The following WNK1 variants were observed in gnomAD, a reference collection of about 807,000 sequenced individuals.
WNK1 encodes the protein WNK lysine deficient protein kinase 1.
A neutral mutation model predicts 222.8 loss-of-function variants in WNK1; 38 were observed. The observed-to-expected ratio is 0.17, with a 90% CI of 0.13 to 0.22. WNK1 has a LOEUF of 0.22. Among genes scored for constraint, WNK1 ranks in the 10% least tolerant of loss-of-function variants. The probability of loss-of-function intolerance (pLI) is 1.00; values close to 1 mark genes in which losing one functional copy is unlikely to be tolerated. For missense variants in WNK1, 2,348 were observed against 2,918.4 expected (o/e 0.80, Z 4.50); for synonymous variants, 1,090 against 1,092.9 (o/e 1.00, Z 0.05).
rs373142680 is a variant in WNK1 at position 900,455 on chromosome 12, T to C, written c.6449-21T>C. ...GGGAAGAGCTGGACATGTTTCCTCA[T>C]GCCACTTTATCTTTTGGCAGGTAAC... On this transcript the variant is annotated intron_variant, in intron 25 of 27. Coordinates refer to ENST00000315939, the MANE Select transcript of WNK1 (RefSeq NM_018979.4). 3.1e-6 allele frequency: 5 copies of C among 1,614,110 alleles called. No homozygotes were observed. In the South Asian group the frequency reaches 5.5e-5, roughly 18 times the overall value.
intron 2 of WNK1, among the ~76,000 whole-genome samples, chr12:826,210 T>C (rs1032131232): frequency 2.0e-5 from 3 of 152,286 alleles, no homozygotes; most frequent in African/African-American, 7.2e-5. Flanking sequence ...TTGCCTCATG[T>C]GGCTGTTCAG....
Position 754,329 on chromosome 12 carries a change from A to G in WNK1, c.759+5A>G, listed in dbSNP as rs1381690911. 1 of 1,611,916 alleles carries G rather than the reference A, an allele frequency of 6.2e-7. No individual in the cohort carries two copies. The highest frequency in any genetic ancestry group is 2.2e-5 in the East Asian group (1 of 44,890). ...GTCGCCTGGTGTGAACTGCAGGTAA[A>G]GCCCCACCTACTTTATTTGACGGTC... On this transcript the variant is annotated splice_donor_5th_base_variant and intron_variant, in intron 1 of 27. Coordinates refer to ENST00000315939, the MANE Select transcript of WNK1 (RefSeq NM_018979.4).
chr12:757,315 T>C (rs1233682292), intron 1 of WNK1, among the ~76,000 whole-genome samples: 6 of 89,076 alleles, frequency 6.7e-5, no homozygotes, highest in Non-Finnish European at 7.1e-5. Context: ...AATTCTTTTT[T>C]TTTTTTTTTT....
chr12:907,893 C>T lies in WNK1; in HGVS notation c.6690C>T (p.Ala2230=), dbSNP rs756838818. ...NTVGATVNSQ[A]AQAQPPAMTS... is the part of the protein sequence containing the mutation. The stretch of plus-strand genomic sequence containing the variant: ...TTGGGGCAACAGTGAACAGCCAAGC[C>T]GCCCAAGCTCAGCCTCCTGCCATGA... The change falls in exon 27 of 28, where the codon GCC becomes GCT. Residue 2230 remains alanine (A), a synonymous_variant. Transcript: ENST00000315939. 12 of 1,614,048 alleles carry T rather than the reference C, an allele frequency of 7.4e-6. No individual in the cohort carries two copies. The highest frequency in any genetic ancestry group is 2.2e-5 in the East Asian group (1 of 44,884).
rs1954864477 is a variant in WNK1, at chr12:897,631, G to A, written c.6398G>A (p.Ser2133Asn). The A allele has an allele frequency of 1.2e-6, 2 of 1,614,096 alleles. No homozygotes were observed. The highest frequency in any genetic ancestry group is 3.3e-5 in the Admixed American group (2 of 60,002). ...RRRRPTKSKGSKSSRSSSLGN... is the reference protein window; with the variant it reads ...RRRRPTKSKGNKSSRSSSLGN... ...CGACGACCCACTAAAAGCAAAGGCAGCAAATCTAGTCGAAGCAGTTCCTTG... is the reference window on the plus strand; with the variant it reads ...CGACGACCCACTAAAAGCAAAGGCAACAAATCTAGTCGAAGCAGTTCCTTG... The change falls in exon 25 of 28, where the codon AGC (serine) becomes AAC (asparagine). Residue 2133 changes from serine to asparagine, a missense_variant. Ser to Asn is a conservative substitution (Grantham distance 46). This residue lies in a region of WNK1 where 1,144 missense variants were observed against 1,273.6 expected (regional missense o/e 0.90). Coordinates refer to ENST00000315939, the MANE Select transcript of WNK1 (RefSeq NM_018979.4).
intron 8 of WNK1, among the ~76,000 whole-genome samples, chr12:869,894 C>A (rs1391326667): frequency 6.6e-6 from 1 of 151,558 alleles, no homozygotes; most frequent in Non-Finnish European, 1.5e-5. Flanking sequence ...TTTTCCTCAA[C>A]AAATTTAATT....
At chr12:798,052 A>C (rs575324817) in intron 1 of WNK1, among the ~76,000 whole-genome samples, 1 of 152,108 alleles carries the variant, frequency 6.6e-6, no homozygotes, top group African/African-American at 2.4e-5. Flanking sequence ...AAAATGTCTA[A>C]AAGTGAAAAT....
In WNK1 at chr12:908,041, C is replaced by A; in HGVS notation, c.6831+7C>A. On this transcript the variant is annotated splice_region_variant and intron_variant, in intron 27 of 27. Transcript: ENST00000315939. The stretch of plus-strand genomic sequence containing the variant: ...AGGGCACATGAATTACGAGGTAAGT[C>A]TCTCTTTTGCCGCAGAGAATCCGTA... 5.0e-6 allele frequency: 8 copies of A among 1,613,876 alleles called. No homozygotes were observed. The highest frequency in any genetic ancestry group is 8.5e-7 in the Non-Finnish European group (1 of 1,179,970).
chr12:755,279 T>G (rs563197204), intron 1 of WNK1, among the ~76,000 whole-genome samples: 8 of 152,340 alleles, frequency 5.3e-5, no homozygotes, highest in African/African-American at 1.9e-4. Flanking sequence ...GTCAGCCACA[T>G]TATGCATGCA....
intron 1 of WNK1, among the ~76,000 whole-genome samples, chr12:800,160 T>A (rs1035497814): frequency 1.2e-4 from 19 of 152,092 alleles, no homozygotes; most frequent in Admixed American, 6.5e-4. Flanking sequence ...AAATTTTTTT[T>A]AAACTGAATA....
intron 26 of WNK1, among the ~76,000 whole-genome samples, chr12:902,579 G>T (rs1331618607): frequency 6.6e-6 from 1 of 152,150 alleles, no homozygotes; most frequent in Non-Finnish European, 1.5e-5. Flanking sequence ...AAAGATCAAA[G>T]CCCAGCATCT....
chr12:886,052 G>T lies in WNK1; in HGVS notation c.5248G>T (p.Ala1750Ser), dbSNP rs1592177610. The change falls in exon 19 of 28, where the codon GCT becomes TCT. Residue 1750 changes from alanine (A) to serine (S), a missense_variant. This residue lies in a region of WNK1 where 1,144 missense variants were observed against 1,273.6 expected (regional missense o/e 0.90). Coordinates refer to ENST00000315939, the MANE Select transcript of WNK1 (RefSeq NM_018979.4). ...TTTSGVKPGT[A>S]PSKPPLTKAP... ...TACATCAGGAGTGAAACCTGGAACT[G>T]CTCCCTCCAAGCCACCTCTAACTAA... is the stretch of plus-strand genomic sequence containing the variant. 1 of 1,605,734 alleles carries T rather than the reference G, an allele frequency of 6.2e-7. No homozygotes were observed. Among genetic ancestry groups the T allele is most frequent in the East Asian group, 2.2e-5 (1 of 44,866 alleles).
intron 1 of WNK1, among the ~76,000 whole-genome samples, chr12:795,135 T>A (rs1174351423): frequency 1.3e-5 from 2 of 152,298 alleles, no homozygotes; most frequent in South Asian, 4.1e-4. Context: ...ATTCCTCTTA[T>A]ATTTTTTGGA....
At chr12:879,494 CTTGCTTTTGGCAGCCTTGCT>C in intron 10 of WNK1, 59 bp from the exon 11 acceptor site, 3 of 750,920 alleles carry the variant, frequency 4.0e-6, no homozygotes, top group Non-Finnish European at 5.5e-6. Context: ...ATACATAAAT[CTTGCTTTTGGCAGCCTTGCT>C]TTTTTTTTTT....
intron 8 of WNK1, among the ~76,000 whole-genome samples, chr12:870,291 A>G (rs1952031051): frequency 6.6e-6 from 1 of 152,224 alleles, no homozygotes; most frequent in Non-Finnish European, 1.5e-5. Flanking sequence ...TGCAGCCCCT[A>G]TTATAAATAT....
intron 4 of WNK1, among the ~76,000 whole-genome samples, chr12:855,077 G>A (rs1418766791): frequency 2.0e-5 from 3 of 152,152 alleles, no homozygotes; most frequent in African/African-American, 4.8e-5. Flanking sequence ...TTAGTGTGTG[G>A]CATTCATTTT....
At position 868,635 on chromosome 12, in the gene WNK1, A is replaced by G. The variant is rs1308031641; in HGVS notation, c.2140-2630A>G. On this transcript the variant is annotated intron_variant, in intron 8 of 27. Transcript: ENST00000315939. ...AGAAGCAACTGTGTATTTGAATTTC[A>G]TGTTCACACACCAAGCTCCTCTTCA... The G allele has an allele frequency of 3.1e-6, 5 of 1,614,030 alleles. No homozygotes were observed. The African/African-American group carries it at 4.0e-5, about 13-fold the overall frequency.
In WNK1 at chr12:894,638, A is replaced by G. The variant is rs72650758; in HGVS notation, c.5583+3A>G. The G allele has an allele frequency of 5.3e-4, 854 of 1,613,742 alleles. 6 individuals are homozygous for G. The African/African-American group carries it at 8.7e-3, about 16-fold the overall frequency. On this transcript the variant is annotated splice_donor_region_variant and intron_variant, in intron 23 of 27. Coordinates refer to ENST00000315939, the MANE Select transcript of WNK1 (RefSeq NM_018979.4). ...TTTTTAAGATGGGACGATTTCAGGT[A>G]AGACAGTCACTTTGTGTTGCCTTGA... is the stretch of plus-strand genomic sequence containing the variant.
intron 25 of WNK1, among the ~76,000 whole-genome samples, chr12:899,339 CA>C (rs1200335376): frequency 6.7e-6 from 1 of 150,088 alleles, no homozygotes; most frequent in Non-Finnish European, 1.5e-5. Context: ...GCAGAGTCGG[CA>C]GTGGCTCAAC....
Sources: gnomAD v4.1 joint callset for allele counts (sites outside exome capture counted in the v4.1 genomes callset) on GRCh38, gnomAD v4.1.1 for gene constraint, gnomAD v4.1.1 regional missense constraint, MANE v1.5 for transcripts, NCBI Gene and HGNC (gene_info 2026-07-23, HGNC 2026-07-21) for gene names.